ST3GAL3: variants seen among roughly 807,000 people sequenced by gnomAD.
ST3GAL3 encodes the protein ST3 beta-galactoside alpha-2,3-sialyltransferase 3.
Under a neutral mutation model 50.1 loss-of-function variants are expected in ST3GAL3, and 21 were observed. The observed-to-expected ratio is 0.42, with a 90% confidence interval of 0.30 to 0.60. The LOEUF (loss-of-function observed/expected upper bound fraction) is 0.60, where lower values mean the gene tolerates loss of function less well. Among genes scored for constraint, ST3GAL3 ranks in the 20% least tolerant of loss-of-function variants. The pLI, the probability that ST3GAL3 is intolerant of heterozygous loss-of-function variation, is 0.19. For synonymous variants in ST3GAL3, 183 were observed against 190.0 expected, an observed-to-expected ratio of 0.96 and a Z score of 0.30; for missense variants, 353 against 489.4, an observed-to-expected ratio of 0.72 and a Z score of 2.63.
chr1:43,839,294 C>G (rs2064954131), intron 5 of ST3GAL3: 3 of 152,206 alleles, frequency 2.0e-5, no homozygotes, highest in Admixed American at 6.5e-5. Context: ...TCTCTTTGTC[C>G]AGGGTCTGCC....
At chr1:43,832,386 A>T (rs1189380093) in intron 4 of ST3GAL3, among the ~76,000 whole-genome samples, 2 of 152,216 alleles carry the variant, frequency 1.3e-5, no homozygotes, top group African/African-American at 4.8e-5. Flanking sequence ...CTTTTTTCTT[A>T]AAGTGATAGA....
intron 5 of ST3GAL3, among the ~76,000 whole-genome samples, chr1:43,854,307 T>G (rs1031106609): frequency 1.3e-5 from 2 of 152,144 alleles, no homozygotes; most frequent in Non-Finnish European, 2.9e-5. Context: ...AATGCTCTTA[T>G]CCAGACCACC....
At chr1:43,846,913 A>C (rs1244718541) in intron 5 of ST3GAL3, among the ~76,000 whole-genome samples, 1 of 152,242 alleles carries the variant, frequency 6.6e-6, no homozygotes, top group Admixed American at 6.5e-5. Context: ...TAAGAGGTTA[A>C]TGTTGTCCAG....
At chr1:43,864,324 T>C (rs2070777847) in intron 5 of ST3GAL3, among the ~76,000 whole-genome samples, 1 of 152,158 alleles carries the variant, frequency 6.6e-6, no homozygotes, top group African/African-American at 2.4e-5. Context: ...GTGTGGTTAC[T>C]GTAGCAACAG....
intron 9 of ST3GAL3, among the ~76,000 whole-genome samples, chr1:43,904,784 C>G (rs1279672280): frequency 6.7e-6 from 1 of 150,072 alleles, no homozygotes; most frequent in African/African-American, 2.5e-5. Flanking sequence ...CTTCCTGCCA[C>G]TCTTCCTCCC....
intron 1 of ST3GAL3, among the ~76,000 whole-genome samples, chr1:43,713,225 C>G (rs1665669570): frequency 6.6e-6 from 1 of 152,168 alleles, no homozygotes; most frequent in Non-Finnish European, 1.5e-5. Context: ...ACCAGGATTT[C>G]AGTCATAGCC....
chr1:43,767,776 A>G (rs1249791051), intron 2 of ST3GAL3, among the ~76,000 whole-genome samples: 1 of 152,034 alleles, frequency 6.6e-6, no homozygotes, highest in Non-Finnish European at 1.5e-5. Flanking sequence ...TTACCCATGT[A>G]ACAAACCTGC....
intron 5 of ST3GAL3, 73 bp from the exon 6 acceptor site, chr1:43,894,310 G>A: frequency 7.5e-6 from 11 of 1,461,786 alleles, no homozygotes; most frequent in Middle Eastern, 1.7e-4. Flanking sequence ...TGCCAAGACC[G>A]ACGTACGGAA....
chr1:43,833,116 A>G (rs948042062), intron 4 of ST3GAL3, among the ~76,000 whole-genome samples: 3 of 152,188 alleles, frequency 2.0e-5, no homozygotes, highest in African/African-American at 7.2e-5. Flanking sequence ...TGGTTCTAGA[A>G]ACTAGACTGA....
At chr1:43,873,725 C>T (rs1350712899) in intron 5 of ST3GAL3, among the ~76,000 whole-genome samples, 1 of 152,076 alleles carries the variant, frequency 6.6e-6, no homozygotes, top group Admixed American at 6.5e-5. Flanking sequence ...GCAGAGGTTG[C>T]ATGTAACGTG....
intron 1 of ST3GAL3, among the ~76,000 whole-genome samples, chr1:43,728,178 C>T (rs1045367145): frequency 3.3e-5 from 5 of 152,250 alleles, no homozygotes; most frequent in Admixed American, 6.5e-5. Flanking sequence ...CCAGCAGCAA[C>T]CATGTTGCTG....
chr1:43,859,558 CA>C (rs943742859), intron 5 of ST3GAL3, among the ~76,000 whole-genome samples: 15 of 143,376 alleles, frequency 1.0e-4, no homozygotes, highest in African/African-American at 2.8e-4. Context: ...GACTCCATCT[CA>C]AAAAAAAAAG....
intron 5 of ST3GAL3, among the ~76,000 whole-genome samples, chr1:43,876,451 A>G (rs1242198328): frequency 1.3e-5 from 2 of 152,208 alleles, no homozygotes; most frequent in South Asian, 2.1e-4. Context: ...CCAGTCAAGC[A>G]TCGGGATTGA....
At chr1:43,925,296 CAA>C (rs57654790) in intron 11 of ST3GAL3, among the ~76,000 whole-genome samples, 14,713 of 90,256 alleles carry the variant, frequency 0.16, 1,620 homozygotes, top group African/African-American at 0.31. Context: ...GACTGTGTCT[CAA>C]AAAAAAAAAA....
intron 2 of ST3GAL3, among the ~76,000 whole-genome samples, chr1:43,765,242 C>G (rs1692111603): frequency 6.6e-6 from 1 of 152,126 alleles, no homozygotes; most frequent in South Asian, 2.1e-4. Context: ...GGCCTGGAGT[C>G]CTTCACTGGA....
In ST3GAL3 at chr1:43,756,116, A is replaced by AG. The variant is rs1553281766; in HGVS notation, c.118+19736_118+19737insG. On this transcript the variant is annotated intron_variant, in intron 2 of 11. Coordinates refer to ENST00000347631, the MANE Select transcript of ST3GAL3 (RefSeq NM_006279.5). ...AACCAGTCTCAAAAAAAAAAAAAAA[A>AG]AAGAAGAAGAAGAAAAGAAAAGGAA... Among the ~76,000 whole-genome samples the AG allele has an allele frequency of 5.1e-5, 7 of 136,916 alleles. No individual in the cohort carries two copies. In the East Asian group the frequency reaches 6.3e-4, roughly 12 times the overall value. 89.8% of individuals were successfully genotyped at this position (136,916 alleles called of 152,430 possible).
chr1:43,876,976 ATAG>A (rs2074237947), intron 5 of ST3GAL3, among the ~76,000 whole-genome samples: 2 of 152,190 alleles, frequency 1.3e-5, no homozygotes, highest in Non-Finnish European at 2.9e-5. Flanking sequence ...AATGGCAGAA[ATAG>A]TAGGAATACC....
At chr1:43,861,764 C>T (rs1453300813) in intron 5 of ST3GAL3, among the ~76,000 whole-genome samples, 1 of 152,216 alleles carries the variant, frequency 6.6e-6, no homozygotes, top group Admixed American at 6.5e-5. Context: ...CACAGTGGCT[C>T]ACGCCTGTAA....
chr1:43,911,903 TG>T (rs2154287463), intron 9 of ST3GAL3: 1 of 152,322 alleles, frequency 6.6e-6, no homozygotes, highest in African/African-American at 2.4e-5. Flanking sequence ...TTGCCCAGGC[TG>T]GTCTCAAACT....
Sources: gnomAD v4.1 joint callset for allele counts (sites outside exome capture counted in the v4.1 genomes callset) on GRCh38, gnomAD v4.1.1 for gene constraint, MANE v1.5 for transcripts, NCBI Gene and HGNC (gene_info 2026-07-23, HGNC 2026-07-21) for gene names.